TG: variants seen among roughly 807,000 people sequenced by gnomAD.
TG encodes the protein thyroid hormones.
In TG, 270 loss-of-function variants were observed where a neutral mutation model predicts 324.7. The ratio of observed to expected loss-of-function variants is 0.83; its 90% CI spans 0.75 to 0.92. The LOEUF is 0.92. TG is among the 40% of genes least tolerant of loss of function. The probability of loss-of-function intolerance (pLI) is 0.00; values close to 1 mark genes in which losing one functional copy is unlikely to be tolerated. For synonymous variants in TG, 1,401 were observed against 1,327.0 expected, an observed-to-expected ratio of 1.06 and a Z score of -1.21; for missense variants, 3,591 against 3,456.4, an observed-to-expected ratio of 1.04 and a Z score of -0.98.
At chr8:133,005,062 C>T (rs1189425179) in intron 35 of TG, among the ~76,000 whole-genome samples, 7 of 152,126 alleles carry the variant, frequency 4.6e-5, no homozygotes, top group African/African-American at 9.7e-5. Flanking sequence ...ACATGGTGTA[C>T]GAGTGAAAAG....
chr8:133,055,798 C>A (rs1416123231), intron 41 of TG, among the ~76,000 whole-genome samples: 2 of 151,928 alleles, frequency 1.3e-5, no homozygotes, highest in Non-Finnish European at 2.9e-5. Flanking sequence ...TTCATTCCAC[C>A]ATTCCCTTCC....
chr8:132,893,316 G>C (rs959745738), intron 10 of TG, among the ~76,000 whole-genome samples: 2 of 144,990 alleles, frequency 1.4e-5, no homozygotes, highest in African/African-American at 5.2e-5. Flanking sequence ...TATGTGATCT[G>C]TATGTGCATA....
chr8:133,115,309 C>G (rs1328955912), intron 44 of TG, among the ~76,000 whole-genome samples: 2 of 152,178 alleles, frequency 1.3e-5, no homozygotes, highest in African/African-American at 4.8e-5. Flanking sequence ...CTGGCCCCAT[C>G]TCCCTGGCAG....
intron 43 of TG, 110 bp from the exon 44 acceptor site, chr8:133,113,312 C>T: frequency 8.0e-7 from 1 of 1,251,262 alleles, no homozygotes; most frequent in Non-Finnish European, 1.1e-6. Flanking sequence ...TGTTTAATGC[C>T]ATGCCCCACT....
intron 35 of TG, among the ~76,000 whole-genome samples, chr8:132,985,663 A>G (rs1290210488): frequency 6.6e-6 from 1 of 152,152 alleles, no homozygotes; most frequent in African/African-American, 2.4e-5. Context: ...TCCTGCTGTC[A>G]CACACAATCC....
chr8:132,945,138 T>C (rs1481490456), intron 26 of TG, among the ~76,000 whole-genome samples: 4 of 152,330 alleles, frequency 2.6e-5, no homozygotes, highest in Non-Finnish European at 5.9e-5. Flanking sequence ...TGAGCGCTTG[T>C]CATGTCATGG....
intron 25 of TG, among the ~76,000 whole-genome samples, chr8:132,936,214 C>T (rs922945725): frequency 4.6e-5 from 7 of 152,356 alleles, no homozygotes; most frequent in Middle Eastern, 3.4e-3. Context: ...TGGCAGAACC[C>T]GCTGAGTTCA....
chr8:133,038,781 G>C (rs1172600760), intron 41 of TG: 2 of 1,358,470 alleles, frequency 1.5e-6, no homozygotes, highest in South Asian at 1.2e-5. Context: ...GAAAAAAAGA[G>C]AGTCATAGAG....
At chr8:133,106,454 C>T (rs1412123554) in intron 43 of TG, 18 of 985,218 alleles carry the variant, frequency 1.8e-5, no homozygotes, top group Non-Finnish European at 2.2e-5. Context: ...TCCCAGGTCC[C>T]GCCTGAAGCA....
intron 2 of TG, among the ~76,000 whole-genome samples, chr8:132,869,506 A>G (rs932710767): frequency 1.3e-5 from 2 of 152,200 alleles, no homozygotes; most frequent in African/African-American, 4.8e-5. Flanking sequence ...CAGGTGGTGA[A>G]TGAATGGCTG....
At chr8:132,986,753 T>C (rs904429263) in intron 35 of TG, among the ~76,000 whole-genome samples, 3 of 152,210 alleles carry the variant, frequency 2.0e-5, no homozygotes, top group Admixed American at 6.5e-5. Context: ...AGCGGAATTA[T>C]TGGGCTTGAG....
rs140792871 is a variant in TG at position 133,017,780 on chromosome 8, A to G, written c.6565A>G (p.Ile2189Val). Residue 2189 changes from isoleucine to valine, a missense_variant and splice_region_variant, in exon 38 of 48, where the codon ATC (isoleucine) becomes GTC (valine). Ile to Val is a conservative substitution (Grantham distance 29, BLOSUM62 3). Transcript: ENST00000220616. ...EATHIYRKPG[I>V]SLLSYEASVP... Reference sequence around the variant, plus strand: ...CTTTCTCTTCCCTTTCCCAACAGGAATCTCTCTGCTCAGCTATGAGGCATC... The same window carrying G: ...CTTTCTCTTCCCTTTCCCAACAGGAGTCTCTCTGCTCAGCTATGAGGCATC... The G allele has an allele frequency of 5.9e-5, 96 of 1,614,068 alleles. 1 individual carries two copies. In the Middle Eastern group the frequency reaches 1.5e-3, roughly 25 times the overall value.
chr8:132,895,845 A>G (rs2132245107), intron 11 of TG, among the ~76,000 whole-genome samples: 1 of 152,392 alleles, frequency 6.6e-6, no homozygotes, highest in East Asian at 1.9e-4. Flanking sequence ...TGTTGAGATT[A>G]GTCATTGAAT....
At chr8:132,922,463 A>T (rs937234507) in intron 21 of TG, among the ~76,000 whole-genome samples, 6 of 152,174 alleles carry the variant, frequency 3.9e-5, no homozygotes, top group African/African-American at 1.4e-4. Context: ...GCAGTCATCA[A>T]TCGTTCATTC....
At chr8:132,969,899 C>T (rs1415074273) in intron 32 of TG, among the ~76,000 whole-genome samples, 3 of 115,418 alleles carry the variant, frequency 2.6e-5, no homozygotes, top group African/African-American at 3.5e-5. Flanking sequence ...AGCAACAGAG[C>T]GAGACTCTGT....
chr8:133,086,138 T>A (rs1324433022), intron 41 of TG, among the ~76,000 whole-genome samples: 1 of 152,220 alleles, frequency 6.6e-6, no homozygotes, highest in Non-Finnish European at 1.5e-5. Flanking sequence ...TTATATGAAA[T>A]GTCCAGAATA....
intron 41 of TG, among the ~76,000 whole-genome samples, chr8:133,081,578 GGAA>G (rs765338790): frequency 1.2e-4 from 17 of 143,296 alleles, no homozygotes; most frequent in Admixed American, 1.1e-3. Context: ...ATTATTCTCA[GGAA>G]GAAGAAGAAA....
chr8:132,877,743 T>C (rs1367384230), intron 5 of TG, among the ~76,000 whole-genome samples: 2 of 152,216 alleles, frequency 1.3e-5, no homozygotes, highest in Non-Finnish European at 2.9e-5. Flanking sequence ...AGGATTCTTC[T>C]ATGGCCACCC....
chr8:133,054,242 G>C (rs965222269), intron 41 of TG, among the ~76,000 whole-genome samples: 1 of 152,160 alleles, frequency 6.6e-6, no homozygotes, highest in Non-Finnish European at 1.5e-5. Flanking sequence ...GAGAAGAGGA[G>C]AGTTGAGGAA....
Sources: gnomAD v4.1 joint callset for allele counts (sites outside exome capture counted in the v4.1 genomes callset) on GRCh38, gnomAD v4.1.1 for gene constraint, MANE v1.5 for transcripts, NCBI Gene and HGNC (gene_info 2026-07-23, HGNC 2026-07-21) for gene names.